Variants in CA5A observed in about 807,000 individuals in gnomAD.
The protein encoded by CA5A is carbonic anhydrase 5A.
CA5A carries 28 observed loss-of-function variants against 37.1 expected under a neutral mutation model. The observed-to-expected ratio is 0.75, with a 90% confidence interval of 0.56 to 1.03. CA5A has a LOEUF of 1.03. Ranked by LOEUF, CA5A falls within the 50% of genes least tolerant of loss-of-function variation. The pLI is 0.00. For missense variants in CA5A, 444 were observed against 399.9 expected (o/e 1.11, Z -0.94); for synonymous variants, 171 against 158.4 (o/e 1.08, Z -0.60).
intron 2 of CA5A, among the ~76,000 whole-genome samples, chr16:87,910,779 C>T (rs943242096): frequency 4.6e-5 from 7 of 151,922 alleles, no homozygotes; most frequent in Non-Finnish European, 1.0e-4. Context: ...TGAGATGGAG[C>T]CTTGCTGTCA....
rs763425057 is a variant in CA5A, at chr16:87,893,011, C to T, written c.619-1057G>A. ...AAGGATGTCCACATGCCTAAGCACC[C>T]GGAGATGGCAGACAAGAATGTGCCC... On this transcript the variant is annotated intron_variant, in intron 5 of 6. Transcript: ENST00000649794. The T allele has an allele frequency of 2.5e-4, 305 of 1,238,810 alleles. 1 individual carries two copies. Among genetic ancestry groups the T allele is most frequent in the Non-Finnish European group, 3.8e-5 (33 of 868,082 alleles). 76.7% of individuals were successfully genotyped at this position (1,238,810 alleles called of 1,614,324 possible). A position where few individuals can be genotyped will look rare whatever the true frequency, so the allele number is the denominator to read the frequency against.
Position 87,916,003 on chromosome 16 carries a change from A to G in CA5A, c.340+10745T>C, listed in dbSNP as rs548570648. The stretch of plus-strand genomic sequence containing the variant: ...GCAATCACGGCAGAAGGCGAAAGGC[A>G]GGTCTTGCATGGGGGCAGCCAAGAG... On this transcript the variant is annotated intron_variant, in intron 2 of 6. Transcript: ENST00000649794. Among the ~76,000 whole-genome samples the G allele has an allele frequency of 2.0e-5, 3 of 152,054 alleles. No individual in the cohort carries two copies. The South Asian group carries it at 6.3e-4, about 32-fold the overall frequency.
At chr16:87,905,605 C>T (rs953656110) in intron 2 of CA5A, among the ~76,000 whole-genome samples, 20 of 152,220 alleles carry the variant, frequency 1.3e-4, no homozygotes, top group African/African-American at 3.1e-4. Context: ...GTGATCCACC[C>T]GCCTCTGCCT....
In CA5A at chr16:87,936,445, C is replaced by G; in HGVS notation, c.6G>C (p.Leu2Phe). Residue 2 changes from leucine (L) to phenylalanine (F), a missense_variant, in exon 1 of 7, where the codon TTG (leucine) becomes TTC (phenylalanine). Physicochemically the swap from Leu to Phe is conservative, Grantham distance 22. Coordinates refer to ENST00000649794, the MANE Select transcript of CA5A (RefSeq NM_001739.2). Reference protein sequence around the residue: MLGRNTWKTSAF... With the variant: MFGRNTWKTSAF... The stretch of plus-strand genomic sequence containing the variant: ...CTGAGGTCTTCCAAGTGTTCCTCCC[C>G]AACATCTTGGGTCTGTTCCCACTGA... 5 of 1,613,808 alleles carry G rather than the reference C, an allele frequency of 3.1e-6. No individual in the cohort carries two copies. The highest frequency in any genetic ancestry group is 4.2e-6 in the Non-Finnish European group (5 of 1,179,900).
At chr16:87,916,219 G>A (rs986428299) in intron 2 of CA5A, among the ~76,000 whole-genome samples, 17 of 151,270 alleles carry the variant, frequency 1.1e-4, no homozygotes, top group East Asian at 3.9e-4. Flanking sequence ...AGTGGCTCAC[G>A]CCTATAATCC....
At chr16:87,930,644 G>A (rs1427686893) in intron 1 of CA5A, among the ~76,000 whole-genome samples, 2 of 152,138 alleles carry the variant, frequency 1.3e-5, no homozygotes. Context: ...GGGGACTGCG[G>A]CGTGGGGACA....
chr16:87,928,124 C>G (rs1460760617), intron 1 of CA5A, among the ~76,000 whole-genome samples: 1 of 152,114 alleles, frequency 6.6e-6, no homozygotes, highest in Non-Finnish European at 1.5e-5. Flanking sequence ...GGCTCCTGTC[C>G]TCACCTTCAC....
Position 87,936,465 on chromosome 16 carries a change from C to T in CA5A, c.-15G>A. On this transcript the variant is annotated 5_prime_UTR_variant, in exon 1 of 7. Coordinates refer to ENST00000649794, the MANE Select transcript of CA5A (RefSeq NM_001739.2). ...CTCCCCAACATCTTGGGTCTGTTCCCACTGACTCCAGTCTGAAGAGGGTGA... is the reference window on the plus strand; with the variant it reads ...CTCCCCAACATCTTGGGTCTGTTCCTACTGACTCCAGTCTGAAGAGGGTGA... 6.2e-7 allele frequency: 1 copy of T among 1,613,272 alleles called. No homozygotes were observed. Among genetic ancestry groups the T allele is most frequent in the Middle Eastern group, 1.8e-4 (1 of 5,574 alleles).
intron 2 of CA5A, among the ~76,000 whole-genome samples, chr16:87,908,762 T>C (rs1455441410): frequency 1.3e-5 from 2 of 152,164 alleles, no homozygotes; most frequent in African/African-American, 4.8e-5. Context: ...AGGCATCTCT[T>C]CATCCTTCCC....
At chr16:87,919,082 G>A (rs1234367303) in intron 2 of CA5A, among the ~76,000 whole-genome samples, 1 of 152,230 alleles carries the variant, frequency 6.6e-6, no homozygotes, top group Admixed American at 6.5e-5. Flanking sequence ...GTCTGTGGCA[G>A]GGAGGGCCTA....
chr16:87,897,289 G>A (rs1445553747), intron 5 of CA5A, among the ~76,000 whole-genome samples: 1 of 152,288 alleles, frequency 6.6e-6, no homozygotes, highest in African/African-American at 2.4e-5. Flanking sequence ...GCAGCCTGAG[G>A]AGCTTGCGGC....
intron 5 of CA5A, chr16:87,892,911 C>T: frequency 1.8e-6 from 1 of 542,442 alleles, no homozygotes; most frequent in South Asian, 3.0e-5. Context: ...CCGCCTTGGC[C>T]TCCCAAAGTG....
At chr16:87,900,479 A>G (rs1472094898) in intron 5 of CA5A, among the ~76,000 whole-genome samples, 1 of 152,246 alleles carries the variant, frequency 6.6e-6, no homozygotes, top group Non-Finnish European at 1.5e-5. Context: ...AGCCTCCACC[A>G]TTGTTAACAC....
rs550005978 is a variant in CA5A at position 87,914,472 on chromosome 16, G to A, written c.341-9568C>T. ...CCCAGCCCCACGAGCTTGCAGTGCC[G>A]TTCAGCCCCGCTGCACCCCCGTCTG... On this transcript the variant is annotated intron_variant, in intron 2 of 6. Coordinates refer to ENST00000649794, the MANE Select transcript of CA5A (RefSeq NM_001739.2). 5.3e-5 allele frequency among the ~76,000 whole-genome samples: 8 copies of A among 152,308 alleles called. No homozygotes were observed. In the South Asian group the frequency reaches 1.0e-3, roughly 20 times the overall value.
chr16:87,924,584 G>A (rs757236246), intron 2 of CA5A, among the ~76,000 whole-genome samples: 8 of 152,250 alleles, frequency 5.3e-5, no homozygotes, highest in East Asian at 1.9e-4. Context: ...GGTCCCCTGT[G>A]TTGAGAATTT....
chr16:87,923,999 T>C, intron 2 of CA5A: 1 of 985,406 alleles, frequency 1.0e-6, no homozygotes, highest in South Asian at 4.7e-5. Flanking sequence ...AAAGCCAATC[T>C]GAGTTGCTTC....
At chr16:87,893,445 C>T in intron 5 of CA5A, 1 of 533,580 alleles carries the variant, frequency 1.9e-6, no homozygotes, top group South Asian at 1.4e-5. Flanking sequence ...GACATTTCTA[C>T]TGCTACCTTA....
intron 5 of CA5A, among the ~76,000 whole-genome samples, chr16:87,895,717 T>C (rs942676268): frequency 3.3e-5 from 5 of 152,000 alleles, no homozygotes; most frequent in African/African-American, 1.2e-4. Flanking sequence ...CCCGCCCTGC[T>C]GCTTCTGTCT....
At chr16:87,898,983 C>A (rs1031277433) in intron 5 of CA5A, among the ~76,000 whole-genome samples, 2 of 152,074 alleles carry the variant, frequency 1.3e-5, no homozygotes, top group African/African-American at 4.8e-5. Context: ...GATCTATTCA[C>A]CTCAGTCTCC....
Sources: allele counts gnomAD v4.1 joint callset (sites outside exome capture counted in the v4.1 genomes callset), GRCh38; gene constraint gnomAD v4.1.1; transcripts MANE v1.5; gene names NCBI Gene and HGNC (gene_info 2026-07-23, HGNC 2026-07-21).